TRUB2: variants seen among roughly 807,000 people sequenced by gnomAD.
The protein encoded by TRUB2 is TruB pseudouridine synthase family member 2.
TRUB2 carries 31 observed loss-of-function variants against 31.9 expected under a neutral mutation model. That is an observed-to-expected ratio of 0.97 (90% CI 0.73 to 1.31). The LOEUF (loss-of-function observed/expected upper bound fraction) is 1.31. Among genes scored for constraint, TRUB2 ranks in the 50% most tolerant of loss-of-function variants. The probability of loss-of-function intolerance (pLI) is 0.00; values close to 1 mark genes in which losing one functional copy is unlikely to be tolerated. For synonymous variants in TRUB2, 201 were observed against 182.6 expected (o/e 1.10, Z -0.81); for missense variants, 451 against 439.6 (o/e 1.03, Z -0.23).
rs766285840 is a variant in TRUB2 at position 128,311,564 on chromosome 9, G to A, written c.498C>T (p.Ala166=). 16 of 1,613,952 alleles carry A rather than the reference G, an allele frequency of 9.9e-6. No individual in the cohort carries two copies. The highest frequency in any genetic ancestry group is 6.7e-5 in the East Asian group (3 of 44,876). Reference sequence around the variant, plus strand: ...CCTTCTGATGGGAGCCTTGGATAACGGCCAGAATGCGGTCCAGCTTCTCTC... The same window carrying A: ...CCTTCTGATGGGAGCCTTGGATAACAGCCAGAATGCGGTCCAGCTTCTCTC... ...VTREKLDRIL[A]VIQGSHQKAL... is the part of the protein sequence containing the mutation. Residue 166 remains alanine, a synonymous_variant, in exon 6 of 8, where the codon GCC becomes GCT. Transcript: ENST00000372890.
In TRUB2 at chr9:128,309,681, G is replaced by A; in HGVS notation, c.865C>T (p.Gln289Ter). ...CTCTTCTCCAGCTCTGCAGCTACCT[G>A]AGGGGTAGCAGCCCGGATAGCATCC... is the stretch of plus-strand genomic sequence containing the variant. The part of the protein sequence containing the change: ...IQDAIRAATP[Q>*]VAAELEKSLS... Residue 289 changes from glutamine (Q) to a stop codon, truncating the protein, a stop_gained, in exon 8 of 8, where the codon CAG (glutamine) becomes TAG (stop). Transcript: ENST00000372890. LOFTEE classifies it high-confidence loss of function. The A allele has an allele frequency of 6.2e-7, 1 of 1,614,226 alleles. No individual in the cohort carries two copies. Among genetic ancestry groups the A allele is most frequent in the Non-Finnish European group, 8.5e-7 (1 of 1,180,044 alleles).
intron 3 of TRUB2, 66 bp downstream of exon 3, chr9:128,317,086 C>T (rs1832081551): frequency 1.4e-6 from 2 of 1,444,294 alleles, no homozygotes; most frequent in Non-Finnish European, 1.9e-6. Context: ...GGGCTGGGCT[C>T]CTGGTAGCTT....
rs773998115 is a variant in TRUB2 at position 128,322,413 on chromosome 9, G to C, written c.-5C>G. On this transcript the variant is annotated 5_prime_UTR_variant, in exon 1 of 8. Transcript: ENST00000372890. ...CGACAAGCCAGCAGACCCCATACTT[G>C]AAGATCACAGCACCCGCTGGACCTG... 6.2e-6 allele frequency: 10 copies of C among 1,614,038 alleles called. No homozygotes were observed. Among genetic ancestry groups the C allele is most frequent in the Non-Finnish European group, 8.5e-6 (10 of 1,179,962 alleles).
rs540243770 is a variant in TRUB2, at chr9:128,309,695, C to T, written c.851G>A (p.Arg284Gln). The part of the protein sequence containing the change: ...WDLTNIQDAI[R>Q]AATPQVAAEL... ...TGCAGCTACCTGAGGGGTAGCAGCC[C>T]GGATAGCATCCTGGATGTTGGTTAG... The change falls in exon 8 of 8, where the codon CGG (arginine) becomes CAG (glutamine). Residue 284 changes from arginine to glutamine, a missense_variant. Physicochemically the swap from Arg to Gln is conservative, Grantham distance 43 (BLOSUM62 1). Transcript: ENST00000372890. 74 of 1,614,200 alleles carry T rather than the reference C, an allele frequency of 4.6e-5. 1 individual carries two copies. In the South Asian group the frequency reaches 7.1e-4, roughly 16 times the overall value.
chr9:128,315,901 G>A (rs1301126173), intron 3 of TRUB2: 7 of 488,930 alleles, frequency 1.4e-5, no homozygotes, highest in Non-Finnish European at 2.6e-5. Context: ...TGACACCTGA[G>A]AGGAAGAGAT....
chr9:128,321,900 C>G (rs955932755), intron 1 of TRUB2, among the ~76,000 whole-genome samples, 170 bp from the exon 2 acceptor site: 5 of 152,230 alleles, frequency 3.3e-5, no homozygotes, highest in Non-Finnish European at 4.4e-5. Context: ...CTGCCTCAGC[C>G]TCCAGAGTAG....
intron 4 of TRUB2, among the ~76,000 whole-genome samples, chr9:128,314,119 G>C (rs1832027798): frequency 6.6e-6 from 1 of 152,190 alleles, no homozygotes; most frequent in South Asian, 2.1e-4. Context: ...CCTGGGGACA[G>C]TAACAGGGCC....
rs80246913 is a variant in TRUB2 at position 128,311,672 on chromosome 9, C to A, written c.461-71G>T. On this transcript the variant is annotated intron_variant, in intron 5 of 7. Transcript: ENST00000372890. ...TTGGTCACAGCAAACTCCTTCCCCCCAGGCCAGCCCCATCCCTGGAACATG... is the reference window on the plus strand; with the variant it reads ...TTGGTCACAGCAAACTCCTTCCCCCAAGGCCAGCCCCATCCCTGGAACATG... 1.5e-4 allele frequency: 229 copies of A among 1,520,926 alleles called. No homozygotes were observed. In the East Asian group the frequency reaches 3.6e-3, roughly 24 times the overall value. The allele number at this position is 1,520,926 out of a possible 1,614,324, so 94.2% of individuals were successfully genotyped here. A position where few individuals can be genotyped will look rare whatever the true frequency, so the allele number is the denominator to read the frequency against.
chr9:128,312,615 ATT>A (rs756476106), intron 5 of TRUB2, among the ~76,000 whole-genome samples: 18 of 126,744 alleles, frequency 1.4e-4, no homozygotes, highest in African/African-American at 3.6e-4. Flanking sequence ...TATTATTATT[ATT>A]TTTTTTTTTT....
chr9:128,315,042 G>A (rs535272502), intron 4 of TRUB2, among the ~76,000 whole-genome samples: 2 of 152,246 alleles, frequency 1.3e-5, no homozygotes, highest in African/African-American at 2.4e-5. Flanking sequence ...GCCCCATAAC[G>A]TGGCACCTGC....
At chr9:128,317,374 C>G in intron 2 of TRUB2, 148 bp from the exon 3 acceptor site, 1 of 732,928 alleles carries the variant, frequency 1.4e-6, no homozygotes, top group Non-Finnish European at 2.3e-6. Context: ...GTCATGGAAT[C>G]TGGGACCCTG....
At chr9:128,322,196 A>C in intron 1 of TRUB2, 104 bp downstream of exon 1, 1 of 910,142 alleles carries the variant, frequency 1.1e-6, no homozygotes, top group East Asian at 2.5e-5. Context: ...CGCTCTGCCC[A>C]GGTGAATAGG....
intron 2 of TRUB2, among the ~76,000 whole-genome samples, chr9:128,319,767 G>A (rs990592594): frequency 2.0e-5 from 3 of 150,862 alleles, no homozygotes; most frequent in Non-Finnish European, 4.4e-5. Flanking sequence ...AGCCTCCTGA[G>A]TAGCTGGGAT....
intron 5 of TRUB2, among the ~76,000 whole-genome samples, chr9:128,312,930 C>G (rs115144427): frequency 6.6e-6 from 1 of 150,652 alleles, no homozygotes; most frequent in East Asian, 2.1e-4. Context: ...AAATTTAGAA[C>G]AGTAGCCAGG....
intron 2 of TRUB2, among the ~76,000 whole-genome samples, chr9:128,320,708 A>G (rs1027372817): frequency 2.6e-5 from 4 of 151,772 alleles, no homozygotes; most frequent in African/African-American, 9.7e-5. Flanking sequence ...CAAGTAATCC[A>G]CCGCCTCAGC....
chr9:128,309,951 TG>T, intron 7 of TRUB2, 76 bp from the exon 8 acceptor site: 1 of 1,457,478 alleles, frequency 6.9e-7, no homozygotes. Flanking sequence ...GCACACCCCT[TG>T]GATACCTCCT....
Position 128,322,416 on chromosome 9 carries a change from G to A in TRUB2, c.-8C>T, listed in dbSNP as rs979829650. ...CAAGCCAGCAGACCCCATACTTGAA[G>A]ATCACAGCACCCGCTGGACCTGGAC... On this transcript the variant is annotated 5_prime_UTR_variant, in exon 1 of 8. Transcript: ENST00000372890. 18 of 1,613,984 alleles carry A rather than the reference G, an allele frequency of 1.1e-5. No individual in the cohort carries two copies. Among genetic ancestry groups the A allele is most frequent in the Non-Finnish European group, 1.4e-5 (16 of 1,179,944 alleles).
At chr9:128,310,078 C>A (rs967722330) in intron 7 of TRUB2, among the ~76,000 whole-genome samples, 29 of 152,066 alleles carry the variant, frequency 1.9e-4, no homozygotes, top group Admixed American at 4.6e-4. Flanking sequence ...CAGGCCCCAC[C>A]GGGACCTGCC....
At chr9:128,314,434 T>TCCCC (rs1422054290) in intron 4 of TRUB2, among the ~76,000 whole-genome samples, 1 of 151,496 alleles carries the variant, frequency 6.6e-6, no homozygotes, top group African/African-American at 2.4e-5. Flanking sequence ...TTGTAAAAAC[T>TCCCC]CCCCCTCCTC....
Sources: gnomAD v4.1 joint callset for allele counts (sites outside exome capture counted in the v4.1 genomes callset) on GRCh38, gnomAD v4.1.1 for gene constraint, MANE v1.5 for transcripts, NCBI Gene and HGNC (gene_info 2026-07-23, HGNC 2026-07-21) for gene names.